The following SCFD2 variants were observed in gnomAD, a reference collection of about 807,000 sequenced individuals.
SCFD2 encodes the protein sec1 family domain-containing protein 2.
In SCFD2, 54 loss-of-function variants were observed where a neutral mutation model predicts 58.9. The observed-to-expected ratio is 0.92, with a 90% CI of 0.74 to 1.15. The LOEUF (loss-of-function observed/expected upper bound fraction) is 1.15, where lower values mean the gene tolerates loss of function less well. Ranked by LOEUF, SCFD2 falls within the 50% of genes most tolerant of loss-of-function variation. The pLI, the probability that SCFD2 is intolerant of heterozygous loss-of-function variation, is 0.00. For synonymous variants in SCFD2, 321 were observed against 335.9 expected, an observed-to-expected ratio of 0.96 and a Z score of 0.49; for missense variants, 805 against 836.6, an observed-to-expected ratio of 0.96 and a Z score of 0.47.
intron 4 of SCFD2, among the ~76,000 whole-genome samples, chr4:53,257,881 A>C (rs1577906953): frequency 6.6e-6 from 1 of 152,118 alleles, no homozygotes; most frequent in Non-Finnish European, 1.5e-5. Context: ...TTTAAAAAAA[A>C]CCTCATATTT....
At chr4:52,900,477 C>T (rs1328109608) in intron 7 of SCFD2, among the ~76,000 whole-genome samples, 1 of 152,246 alleles carries the variant, frequency 6.6e-6, no homozygotes, top group Non-Finnish European at 1.5e-5. Context: ...ACCGCAAATG[C>T]TGCTGCCTGA....
intron 4 of SCFD2, among the ~76,000 whole-genome samples, chr4:53,177,167 G>A (rs568151591): frequency 6.6e-6 from 1 of 152,132 alleles, no homozygotes; most frequent in Non-Finnish European, 1.5e-5. Context: ...AGATACATTG[G>A]TGAATAAACA....
At chr4:53,342,209 A>T (rs1369998577) in intron 2 of SCFD2, among the ~76,000 whole-genome samples, 2 of 152,166 alleles carry the variant, frequency 1.3e-5, no homozygotes, top group Non-Finnish European at 2.9e-5. Context: ...TATTCACGAG[A>T]CCCAACTCAC....
At chr4:53,212,855 T>A (rs1362727085) in intron 4 of SCFD2, among the ~76,000 whole-genome samples, 1 of 149,878 alleles carries the variant, frequency 6.7e-6, no homozygotes, top group Non-Finnish European at 1.5e-5. Flanking sequence ...ATTACACGGT[T>A]TTTTTTTTTA....
intron 6 of SCFD2, among the ~76,000 whole-genome samples, chr4:52,911,537 G>A (rs1181730826): frequency 6.6e-6 from 1 of 152,056 alleles, no homozygotes; most frequent in Admixed American, 6.6e-5. Flanking sequence ...GTATGTAGGT[G>A]CACATTTATA....
intron 4 of SCFD2, among the ~76,000 whole-genome samples, chr4:53,179,926 G>A (rs889204025): frequency 6.6e-6 from 1 of 152,160 alleles, no homozygotes; most frequent in African/African-American, 2.4e-5. Flanking sequence ...AATGGTAAAG[G>A]GATCAATTCA....
At chr4:53,006,357 C>T (rs952921498) in intron 5 of SCFD2, among the ~76,000 whole-genome samples, 2 of 152,202 alleles carry the variant, frequency 1.3e-5, no homozygotes, top group African/African-American at 4.8e-5. Context: ...GTTGTTTTCT[C>T]TCCTACAAAC....
At chr4:53,318,960 A>C (rs1871826) in intron 2 of SCFD2, among the ~76,000 whole-genome samples, 109,935 of 152,078 alleles carry the variant, frequency 0.72, 39,971 homozygotes, top group Middle Eastern at 0.8. Context: ...GATTTAAGTA[A>C]CCTCAATCTT....
intron 4 of SCFD2, among the ~76,000 whole-genome samples, chr4:53,240,635 TC>T (rs1273267868): frequency 6.6e-6 from 1 of 152,210 alleles, no homozygotes; most frequent in Non-Finnish European, 1.5e-5. Flanking sequence ...CAAAACAACT[TC>T]TGATTACTGT....
At chr4:53,150,245 G>A (rs747827598) in intron 4 of SCFD2, among the ~76,000 whole-genome samples, 5 of 152,144 alleles carry the variant, frequency 3.3e-5, no homozygotes, top group African/African-American at 4.8e-5. Context: ...GCAAGGATGA[G>A]AAATAAAGAC....
At chr4:52,894,588 C>A (rs1010061097) in intron 7 of SCFD2, among the ~76,000 whole-genome samples, 6 of 152,170 alleles carry the variant, frequency 3.9e-5, no homozygotes, top group African/African-American at 1.4e-4. Context: ...GTATTCCATG[C>A]ACAAGGATTT....
At chr4:53,280,194 TG>T (rs763774660) in intron 3 of SCFD2, among the ~76,000 whole-genome samples, 2 of 152,214 alleles carry the variant, frequency 1.3e-5, no homozygotes, top group Non-Finnish European at 2.9e-5. Context: ...AAAACTGTTA[TG>T]ATGGGAAAGA....
rs187563045 is a variant in SCFD2 at position 53,128,183 on chromosome 4, T to C, written c.1561+17150A>G. On this transcript the variant is annotated intron_variant, in intron 5 of 8. Coordinates refer to ENST00000401642, the MANE Select transcript of SCFD2 (RefSeq NM_152540.4). The stretch of plus-strand genomic sequence containing the variant: ...TCAAGAAAAAACGTAAAGATAATAC[T>C]AAGGAAGTAATTAAGAATTTGATAT... 2.0e-4 allele frequency among the ~76,000 whole-genome samples: 30 copies of C among 152,176 alleles called. No homozygotes were observed. The East Asian group carries it at 5.8e-3, about 29-fold the overall frequency.
intron 2 of SCFD2, among the ~76,000 whole-genome samples, chr4:53,325,574 T>C (rs925123139): frequency 1.6e-4 from 25 of 152,206 alleles, no homozygotes; most frequent in African/African-American, 5.1e-4. Flanking sequence ...CTAAAAGGCA[T>C]CGTTGGAATG....
chr4:53,334,297 C>G (rs1373287711), intron 2 of SCFD2, among the ~76,000 whole-genome samples: 1 of 152,304 alleles, frequency 6.6e-6, no homozygotes, highest in Admixed American at 6.5e-5. Flanking sequence ...AAGACACAAG[C>G]ACACGTATGT....
At chr4:52,993,985 C>T (rs1721684032) in intron 5 of SCFD2, among the ~76,000 whole-genome samples, 1 of 152,246 alleles carries the variant, frequency 6.6e-6, no homozygotes, top group Non-Finnish European at 1.5e-5. Context: ...GGCCCCAGCC[C>T]TCCTCCCAGC....
chr4:53,350,723 T>C (rs1424313975), intron 2 of SCFD2, among the ~76,000 whole-genome samples: 2 of 152,212 alleles, frequency 1.3e-5, no homozygotes, highest in East Asian at 3.9e-4. Context: ...TTTTTCTTTT[T>C]TCCTGAAATG....
intron 4 of SCFD2, among the ~76,000 whole-genome samples, chr4:53,189,468 G>T (rs951420521): frequency 6.6e-6 from 1 of 152,162 alleles, no homozygotes; most frequent in African/African-American, 2.4e-5. Flanking sequence ...CATGGACTGG[G>T]TAGCTTAAAC....
intron 4 of SCFD2, among the ~76,000 whole-genome samples, chr4:53,214,614 A>C (rs568038093): frequency 1.4e-4 from 21 of 152,178 alleles, no homozygotes; most frequent in Admixed American, 3.9e-4. Flanking sequence ...CCTGTTGACT[A>C]TGATGGTAGT....
Sources: gnomAD v4.1 joint callset for allele counts (sites outside exome capture counted in the v4.1 genomes callset) on GRCh38, gnomAD v4.1.1 for gene constraint, MANE v1.5 for transcripts, NCBI Gene and HGNC (gene_info 2026-07-23, HGNC 2026-07-21) for gene names.